The following RBFOX1 variants were observed in gnomAD, a reference collection of about 807,000 sequenced individuals.
RBFOX1 encodes the protein RNA binding fox-1 homolog 1.
RBFOX1 carries 8 observed loss-of-function variants against 57.7 expected under a neutral mutation model. The ratio of observed to expected loss-of-function variants is 0.14; its 90% CI spans 0.08 to 0.25. The LOEUF (loss-of-function observed/expected upper bound fraction) is 0.25. RBFOX1 is among the 10% of genes least tolerant of loss of function. The probability of loss-of-function intolerance (pLI) is 1.00; values close to 1 mark genes in which losing one functional copy is unlikely to be tolerated. For synonymous variants in RBFOX1, 326 were observed against 222.4 expected (o/e 1.47, Z -4.15); for missense variants, 611 against 548.5 (o/e 1.11, Z -1.14).
rs539598010 is a variant in RBFOX1, at chr16:6,844,810, A to G, written c.-16+190160A>G. ...TAATTTACACTGCCTCCAACAGTGT[A>G]AAAATGTTGCTTTTTCTCCATAACC... is the stretch of plus-strand genomic sequence containing the variant. On this transcript the variant is annotated intron_variant, in intron 3 of 15. Transcript: ENST00000550418. Among the ~76,000 whole-genome samples the G allele has an allele frequency of 2.6e-5, 4 of 152,324 alleles. No individual in the cohort carries two copies. The South Asian group carries it at 8.3e-4, about 32-fold the overall frequency.
At chr16:5,980,612 G>T (rs2060152768) in intron 4 of RBFOX1, among the ~76,000 whole-genome samples, 1 of 152,160 alleles carries the variant, frequency 6.6e-6, no homozygotes, top group Non-Finnish European at 1.5e-5. Flanking sequence ...TCTGCTTGGT[G>T]ACTTTGGAGG....
intron 4 of RBFOX1, among the ~76,000 whole-genome samples, chr16:7,420,991 C>T (rs2098537577): frequency 6.7e-6 from 1 of 150,214 alleles, no homozygotes; most frequent in African/African-American, 2.5e-5. Flanking sequence ...CTGCGCTTTC[C>T]TGAGGCTGTA....
chr16:6,243,584 T>A (rs74005033), intron 1 of RBFOX1, among the ~76,000 whole-genome samples: 1 of 152,212 alleles, frequency 6.6e-6, no homozygotes, highest in Non-Finnish European at 1.5e-5. Context: ...CCTCTAATCA[T>A]GGTCCGTATA....
rs535755147 is a variant in RBFOX1, at chr16:7,352,927, G to A, written c.28-165220G>A. 1.2e-4 allele frequency among the ~76,000 whole-genome samples: 19 copies of A among 152,072 alleles called. No individual in the cohort carries two copies. The East Asian group carries it at 1.4e-3, about 11-fold the overall frequency. On this transcript the variant is annotated intron_variant, in intron 4 of 15. Coordinates refer to ENST00000550418, the MANE Select transcript of RBFOX1 (RefSeq NM_018723.4). ...GATGAAATTTCACCATGTTGCCTAC[G>A]CTGGTATCGAACTGCTAGGCTTCAG...
intron 3 of RBFOX1, among the ~76,000 whole-genome samples, chr16:6,655,226 T>A (rs1000240307): frequency 6.6e-6 from 1 of 150,904 alleles, no homozygotes; most frequent in African/African-American, 2.4e-5. Flanking sequence ...ATAGAAAAAT[T>A]AGCCGGGTGT....
At chr16:5,924,296 C>A (rs149739287) in intron 4 of RBFOX1, among the ~76,000 whole-genome samples, 1,949 of 152,232 alleles carry the variant, frequency 0.013, 52 homozygotes, top group African/African-American at 0.043. Context: ...AATACACCTA[C>A]TGCTATAATT....
chr16:6,603,832 T>G (rs1034687858), intron 2 of RBFOX1, among the ~76,000 whole-genome samples: 5 of 152,160 alleles, frequency 3.3e-5, no homozygotes, highest in Admixed American at 2.6e-4. Context: ...TTTATAGACA[T>G]AGACAGTTGT....
At chr16:5,345,654 C>G (rs922895569) in intron 1 of RBFOX1, among the ~76,000 whole-genome samples, 2 of 152,186 alleles carry the variant, frequency 1.3e-5, no homozygotes, top group South Asian at 2.1e-4. Context: ...CTTAAACACC[C>G]AGGAGCCACT....
chr16:5,586,608 C>G (rs2046836774), intron 2 of RBFOX1, among the ~76,000 whole-genome samples: 1 of 152,190 alleles, frequency 6.6e-6, no homozygotes, highest in Non-Finnish European at 1.5e-5. Context: ...AGCAATCTCC[C>G]CATTGCAGCT....
At chr16:7,604,319 G>A (rs924372797) in intron 9 of RBFOX1, among the ~76,000 whole-genome samples, 5 of 152,246 alleles carry the variant, frequency 3.3e-5, no homozygotes, top group African/African-American at 1.2e-4. Context: ...AGGGATCAAG[G>A]ATGGGAAGAA....
At chr16:6,181,198 C>G (rs1455033084) in intron 1 of RBFOX1, among the ~76,000 whole-genome samples, 1 of 152,146 alleles carries the variant, frequency 6.6e-6, no homozygotes, top group Non-Finnish European at 1.5e-5. Flanking sequence ...ACCAATAATG[C>G]TGCTGGATAT....
chr16:7,627,290 C>T (rs528457132), intron 10 of RBFOX1, among the ~76,000 whole-genome samples: 1 of 151,852 alleles, frequency 6.6e-6, no homozygotes, highest in African/African-American at 2.4e-5. Flanking sequence ...AAATGGGAAT[C>T]ATTGCCTACT....
intron 2 of RBFOX1, among the ~76,000 whole-genome samples, chr16:5,554,613 A>G (rs557671892): frequency 1.3e-5 from 2 of 152,266 alleles, no homozygotes; most frequent in South Asian, 2.1e-4. Context: ...CTTGGGGCCA[A>G]TGTAATGTCT....
intron 4 of RBFOX1, among the ~76,000 whole-genome samples, chr16:7,193,067 A>G (rs1196103426): frequency 6.6e-6 from 1 of 152,186 alleles, no homozygotes; most frequent in East Asian, 1.9e-4. Context: ...GTTGGGTTAC[A>G]CTGCAAAGGA....
intron 3 of RBFOX1, among the ~76,000 whole-genome samples, chr16:6,928,891 G>T (rs947819622): frequency 6.6e-6 from 1 of 152,096 alleles, no homozygotes; most frequent in African/African-American, 2.4e-5. Context: ...ACTTAGAAAT[G>T]GAGCCCAGTA....
Position 7,456,723 on chromosome 16 carries a change from G to A in RBFOX1, c.28-61424G>A, listed in dbSNP as rs549817741. Among the ~76,000 whole-genome samples the A allele has an allele frequency of 2.0e-3, 309 of 152,216 alleles. 2 individuals are homozygous for A. Among genetic ancestry groups the A allele is most frequent in the African/African-American group, 7.3e-3 (304 of 41,540 alleles). ...TTCCTGAGCTTGATGGGTGCCCGTA[G>A]AATCGCCACCTATGGCTGTGCTCTG... is the stretch of plus-strand genomic sequence containing the variant. On this transcript the variant is annotated intron_variant, in intron 4 of 15. Transcript: ENST00000550418.
chr16:7,231,587 C>G lies in RBFOX1; in HGVS notation c.27+179489C>G, dbSNP rs1176779411. Among the ~76,000 whole-genome samples the G allele has an allele frequency of 2.6e-5, 4 of 152,166 alleles. No homozygotes were observed. The East Asian group carries it at 5.8e-4, about 22-fold the overall frequency. On this transcript the variant is annotated intron_variant, in intron 4 of 15. Coordinates refer to ENST00000550418, the MANE Select transcript of RBFOX1 (RefSeq NM_018723.4). ...ACAGATTCACTTGAATCCACATACA[C>G]AAATGCTTATAACATCACCATTCAT... is the stretch of plus-strand genomic sequence containing the variant.
intron 3 of RBFOX1, among the ~76,000 whole-genome samples, chr16:6,992,914 G>A (rs769565992): frequency 6.6e-6 from 1 of 151,528 alleles, no homozygotes; most frequent in Non-Finnish European, 1.5e-5. Context: ...CATTCACAAG[G>A]AATTATAATG....
intron 1 of RBFOX1, among the ~76,000 whole-genome samples, chr16:5,376,499 G>A (rs2065986987): frequency 6.6e-6 from 1 of 152,162 alleles, no homozygotes; most frequent in Non-Finnish European, 1.5e-5. Context: ...TGGAGACCAG[G>A]GATGAGCAGA....
Sources: allele counts gnomAD v4.1 joint callset (sites outside exome capture counted in the v4.1 genomes callset), GRCh38; gene constraint gnomAD v4.1.1; transcripts MANE v1.5; gene names NCBI Gene and HGNC (gene_info 2026-07-23, HGNC 2026-07-21).